The following CDH8 variants were observed in gnomAD, a reference collection of about 807,000 sequenced individuals.
The protein encoded by CDH8 is cadherin-8.
CDH8 carries 17 observed loss-of-function variants against 68.1 expected under a neutral mutation model. The ratio of observed to expected loss-of-function variants is 0.25; its 90% confidence interval spans 0.17 to 0.37. The LOEUF is 0.37. Among genes scored for constraint, CDH8 ranks in the 10% least tolerant of loss-of-function variants. The pLI is 1.00. For missense variants in CDH8, 763 were observed against 999.3 expected (o/e 0.76, Z 3.19); for synonymous variants, 372 against 365.1 (o/e 1.02, Z -0.21).
intron 8 of CDH8, among the ~76,000 whole-genome samples, chr16:61,784,936 C>G (rs1173248615): frequency 6.6e-6 from 1 of 151,868 alleles, no homozygotes; most frequent in Admixed American, 6.6e-5. Context: ...GCATTCAAAG[C>G]AGTGTGTAGA....
intron 2 of CDH8, among the ~76,000 whole-genome samples, chr16:61,975,169 C>A (rs771040811): frequency 7.9e-5 from 12 of 152,028 alleles, no homozygotes; most frequent in Admixed American, 1.3e-4. Context: ...TCTTCCTTTA[C>A]ATCATCAAGG....
At chr16:61,654,151 A>C in intron 11 of CDH8, 50 bp from the exon 12 acceptor site, 4 of 1,526,668 alleles carry the variant, frequency 2.6e-6, no homozygotes, top group Non-Finnish European at 2.7e-6. Flanking sequence ...ATATAATTTC[A>C]CAAGCAACAC....
intron 2 of CDH8, among the ~76,000 whole-genome samples, chr16:62,014,810 G>A (rs1030386837): frequency 1.3e-5 from 2 of 152,136 alleles, no homozygotes; most frequent in Admixed American, 6.5e-5. Context: ...AGAAGCCCAG[G>A]TAGGAGGAAT....
At chr16:61,719,458 C>T (rs900487532) in intron 9 of CDH8, among the ~76,000 whole-genome samples, 6 of 151,032 alleles carry the variant, frequency 4.0e-5, no homozygotes, top group Non-Finnish European at 8.9e-5. Context: ...TTTCCAGTTT[C>T]TTCTGCCTCT....
chr16:61,694,876 G>A (rs1289522465), intron 10 of CDH8, among the ~76,000 whole-genome samples: 1 of 151,970 alleles, frequency 6.6e-6, no homozygotes, highest in Non-Finnish European at 1.5e-5. Context: ...CCACCTCCTG[G>A]GTTCACGTGA....
chr16:61,929,698 G>C (rs1462302368), intron 2 of CDH8, among the ~76,000 whole-genome samples: 1 of 152,002 alleles, frequency 6.6e-6, no homozygotes, highest in African/African-American at 2.4e-5. Context: ...ACCAGCCTGG[G>C]CAACATAAGC....
rs1442738926 is a variant in CDH8 at position 61,666,217 on chromosome 16, T to TAC, written c.1655-10497_1655-10496insGT. Among the ~76,000 whole-genome samples, 3 of 151,532 alleles carry TAC rather than the reference T, an allele frequency of 2.0e-5. No homozygotes were observed. In the East Asian group the frequency reaches 5.9e-4, roughly 30 times the overall value. On this transcript the variant is annotated intron_variant, in intron 10 of 11. Transcript: ENST00000577390. Reference sequence around the variant, plus strand: ...GTGTGTGTGTGTGTGTATATATATATATATGTATATGGTTTGGTATTATCT... The same window carrying TAC: ...GTGTGTGTGTGTGTGTATATATATATACATATGTATATGGTTTGGTATTATCT...
At chr16:61,723,624 T>C (rs974335685) in intron 9 of CDH8, among the ~76,000 whole-genome samples, 1 of 150,740 alleles carries the variant, frequency 6.6e-6, no homozygotes, top group African/African-American at 2.4e-5. Flanking sequence ...AGGCTGATTA[T>C]TGGGGTGTTG....
At chr16:61,706,927 A>C (rs1302267674) in intron 10 of CDH8, among the ~76,000 whole-genome samples, 2 of 152,168 alleles carry the variant, frequency 1.3e-5, no homozygotes, top group Admixed American at 1.3e-4. Context: ...CCAAATGAAA[A>C]AGAACAATTT....
At chr16:62,013,416 G>A (rs1048015641) in intron 2 of CDH8, among the ~76,000 whole-genome samples, 2 of 151,984 alleles carry the variant, frequency 1.3e-5, no homozygotes, top group African/African-American at 4.8e-5. Flanking sequence ...GCAGGATAAT[G>A]GGCACTAATG....
At chr16:61,975,264 A>G (rs1376395385) in intron 2 of CDH8, among the ~76,000 whole-genome samples, 1 of 152,162 alleles carries the variant, frequency 6.6e-6, no homozygotes, top group Non-Finnish European at 1.5e-5. Flanking sequence ...CGAAAGAGAG[A>G]GAGAGAAATG....
intron 11 of CDH8, 99 bp downstream of exon 11, chr16:61,655,370 GA>G (rs1361308581): frequency 1.3e-5 from 15 of 1,174,790 alleles, no homozygotes; most frequent in Non-Finnish European, 1.7e-5. Context: ...TTCCCCAACG[GA>G]ATGCTCTTGC....
At chr16:61,906,159 T>C (rs889772800) in intron 2 of CDH8, among the ~76,000 whole-genome samples, 3 of 152,100 alleles carry the variant, frequency 2.0e-5, no homozygotes, top group Non-Finnish European at 2.9e-5. Context: ...CAAGAAACCA[T>C]AAATAAATGG....
intron 6 of CDH8, among the ~76,000 whole-genome samples, chr16:61,819,885 A>G (rs980185167): frequency 2.0e-5 from 3 of 152,242 alleles, no homozygotes; most frequent in South Asian, 2.1e-4. Flanking sequence ...GATCTACTTG[A>G]TGACAAAGGT....
intron 10 of CDH8, among the ~76,000 whole-genome samples, chr16:61,675,184 T>C (rs958299772): frequency 1.3e-5 from 2 of 151,874 alleles, no homozygotes; most frequent in Non-Finnish European, 2.9e-5. Flanking sequence ...CCAGAATTGG[T>C]AAATATGTGG....
intron 2 of CDH8, among the ~76,000 whole-genome samples, chr16:61,984,801 A>G (rs1965598661): frequency 6.6e-6 from 1 of 152,122 alleles, no homozygotes. Flanking sequence ...GCCTTCTAAA[A>G]CTTATACTTT....
intron 3 of CDH8, among the ~76,000 whole-genome samples, chr16:61,859,438 T>C (rs754259201): frequency 2.6e-5 from 4 of 151,984 alleles, no homozygotes; most frequent in Non-Finnish European, 5.9e-5. Context: ...ATAGGGGAAT[T>C]TTCATGCCAA....
chr16:61,981,773 G>C (rs778475023), intron 2 of CDH8, among the ~76,000 whole-genome samples: 5 of 152,194 alleles, frequency 3.3e-5, no homozygotes, highest in Non-Finnish European at 7.4e-5. Context: ...CTGCATCCAG[G>C]AAATGGACAG....
intron 7 of CDH8, among the ~76,000 whole-genome samples, chr16:61,807,216 A>G (rs925253041): frequency 1.2e-4 from 18 of 151,008 alleles, no homozygotes; most frequent in East Asian, 3.9e-4. Flanking sequence ...GTAAACTATC[A>G]CAAGAACAAA....
Sources: gnomAD v4.1 joint callset for allele counts (sites outside exome capture counted in the v4.1 genomes callset) on GRCh38, gnomAD v4.1.1 for gene constraint, MANE v1.5 for transcripts, NCBI Gene and HGNC (gene_info 2026-07-23, HGNC 2026-07-21) for gene names.